The following CACNA2D2 variants were observed in gnomAD, a reference collection of about 807,000 sequenced individuals.
CACNA2D2 encodes the protein voltage-dependent calcium channel subunit alpha-2/delta-2.
CACNA2D2 carries 48 observed loss-of-function variants against 166.4 expected under a neutral mutation model. The observed-to-expected ratio is 0.29, with a 90% CI of 0.23 to 0.37. The LOEUF (loss-of-function observed/expected upper bound fraction) is 0.37, where lower values mean the gene tolerates loss of function less well. Ranked by LOEUF, CACNA2D2 falls within the 10% of genes least tolerant of loss-of-function variation. CACNA2D2 has a pLI of 1.00. For synonymous variants in CACNA2D2, 561 were observed against 573.7 expected (o/e 0.98, Z 0.32); for missense variants, 1,122 against 1,433.0 (o/e 0.78, Z 3.50).
intron 3 of CACNA2D2, among the ~76,000 whole-genome samples, chr3:50,412,785 G>A (rs542347165): frequency 9.9e-5 from 15 of 152,188 alleles, no homozygotes; most frequent in Non-Finnish European, 2.1e-4. Flanking sequence ...TTTCTTTTCT[G>A]AACATGCCCT....
intron 1 of CACNA2D2, among the ~76,000 whole-genome samples, chr3:50,496,269 A>C (rs1055439539): frequency 3.9e-5 from 6 of 152,198 alleles, no homozygotes; most frequent in African/African-American, 1.2e-4. Flanking sequence ...GCACACACCT[A>C]CTGCTGCCTA....
At chr3:50,497,530 G>A (rs1698772421) in intron 1 of CACNA2D2, among the ~76,000 whole-genome samples, 1 of 152,230 alleles carries the variant, frequency 6.6e-6, no homozygotes, top group African/African-American at 2.4e-5. Flanking sequence ...AGAAGGAAAA[G>A]CACTGTGAGG....
intron 3 of CACNA2D2, among the ~76,000 whole-genome samples, chr3:50,432,119 G>A (rs1045885363): frequency 2.0e-5 from 3 of 152,208 alleles, no homozygotes; most frequent in Admixed American, 6.5e-5. Context: ...GTCCAGCAAG[G>A]GGGGTGCAGG....
At chr3:50,402,852 C>A (rs971688874) in intron 3 of CACNA2D2, among the ~76,000 whole-genome samples, 2 of 152,364 alleles carry the variant, frequency 1.3e-5, no homozygotes, top group East Asian at 1.9e-4. Flanking sequence ...TTAGAAAAAA[C>A]CATGCAGATA....
intron 2 of CACNA2D2, among the ~76,000 whole-genome samples, chr3:50,464,014 G>A (rs1382372132): frequency 6.6e-6 from 1 of 152,212 alleles, no homozygotes; most frequent in African/African-American, 2.4e-5. Context: ...CATGCAGAGG[G>A]AGCATGGGAG....
chr3:50,465,766 A>G (rs917105822), intron 2 of CACNA2D2, among the ~76,000 whole-genome samples: 3 of 152,132 alleles, frequency 2.0e-5, no homozygotes, highest in Non-Finnish European at 2.9e-5. Context: ...CTGGATTGTG[A>G]CAAGCATCTA....
chr3:50,421,392 C>T (rs1707555327), intron 3 of CACNA2D2, among the ~76,000 whole-genome samples: 2 of 151,964 alleles, frequency 1.3e-5, no homozygotes, highest in Admixed American at 6.5e-5. Flanking sequence ...GCTTCTGGTG[C>T]AACTGGTGCA....
chr3:50,475,373 C>T (rs11918571), intron 2 of CACNA2D2, among the ~76,000 whole-genome samples: 2,240 of 152,244 alleles, frequency 0.015, 35 homozygotes, highest in Middle Eastern at 0.061. Context: ...CAGTTCTGGT[C>T]AGTACCTCCT....
In CACNA2D2 at chr3:50,380,070, C is replaced by T; in HGVS notation, c.843-52G>A. ...TAAGGCCCACTGGGACCTTGTGGGT[C>T]CTTCCTTCCTTCACATACATATTGA... On this transcript the variant is annotated intron_variant, in intron 8 of 37. Transcript: ENST00000424201. The surrounding 1 kb of genome is among the most constrained non-coding windows in gnomAD (Gnocchi z 4.9). The T allele has an allele frequency of 6.4e-7, 1 of 1,555,576 alleles. No individual in the cohort carries two copies. The highest frequency in any genetic ancestry group is 8.9e-7 in the Non-Finnish European group (1 of 1,127,200).
intron 2 of CACNA2D2, among the ~76,000 whole-genome samples, chr3:50,462,430 A>AATAATAATAATGATGATG (rs879341559): frequency 1.4e-5 from 2 of 141,938 alleles, no homozygotes; most frequent in African/African-American, 5.4e-5. Context: ...TAATAATAAT[A>AATAATAATAATGATGATG]ATGATAATAA....
At chr3:50,502,993 T>C (rs1316529703) in intron 1 of CACNA2D2, among the ~76,000 whole-genome samples, 2 of 152,066 alleles carry the variant, frequency 1.3e-5, no homozygotes, top group African/African-American at 2.4e-5. Context: ...TTCGGGGGAT[T>C]TGGGGGAAGC....
intron 22 of CACNA2D2, among the ~76,000 whole-genome samples, chr3:50,373,996 AG>A (rs1415262289): frequency 0.2 from 36 of 176 alleles, 11 homozygotes; most frequent in East Asian, 0.66. Context: ...GGGGGAGGGG[AG>A]GGGGGAGGAG....
In CACNA2D2 at chr3:50,444,037, T is replaced by C. The variant is rs560146612; in HGVS notation, c.289-9608A>G. On this transcript the variant is annotated intron_variant, in intron 2 of 37. Transcript: ENST00000424201. ...CCATAAGTACCCTCATGAGACGGAA[T>C]TGAGGCCAGGAAGAAAAGGGCAAAA... Among the ~76,000 whole-genome samples the C allele has an allele frequency of 2.8e-4, 43 of 152,274 alleles. 1 individual carries two copies. The highest frequency in any genetic ancestry group is 6.8e-3 in the Middle Eastern group (2 of 294).
intron 3 of CACNA2D2, among the ~76,000 whole-genome samples, chr3:50,396,782 C>T (rs1706178240): frequency 6.6e-6 from 1 of 152,200 alleles, no homozygotes; most frequent in South Asian, 2.1e-4. Flanking sequence ...TGGTGACCTA[C>T]TACCTTCCCA....
chr3:50,363,090 CT>C lies in CACNA2D2; in HGVS notation c.*1575del. On this transcript the variant is annotated 3_prime_UTR_variant, in exon 38 of 38. Coordinates refer to ENST00000424201, the MANE Select transcript of CACNA2D2 (RefSeq NM_006030.4). The stretch of plus-strand genomic sequence containing the variant: ...AGCTACCTGATGGGGATTGTTTTGT[CT>C]GTTTTTCTGTTTTTTAAACTTAAAA... 1 of 398,586 alleles carries C rather than the reference CT, an allele frequency of 2.5e-6. No homozygotes were observed. The highest frequency in any genetic ancestry group is 4.4e-6 in the Non-Finnish European group (1 of 226,010). 24.7% of individuals were successfully genotyped at this position (398,586 alleles called of 1,614,324 possible).
rs1309933213 is a variant in CACNA2D2 at position 50,374,779 on chromosome 3, A to T, written c.1942T>A (p.Tyr648Asn). The T allele has an allele frequency of 3.8e-6, 6 of 1,598,094 alleles. No homozygotes were observed. The highest frequency in any genetic ancestry group is 1.3e-5 in the African/African-American group (1 of 74,726). Residue 648 changes from tyrosine (Y) to asparagine (N), a missense_variant, in exon 22 of 38, where the codon TAC (tyrosine) becomes AAC (asparagine). Transcript: ENST00000424201. The part of the protein sequence containing the change: ...GLVLPPYSTF[Y>N]LQANLSDQIL... ...TGGTCACTGAGATTGGCTTGGAGGT[A>T]GAAGGTGCTGTAGGGTGGGAGCACC...
chr3:50,407,464 G>A (rs1427873402), intron 3 of CACNA2D2, among the ~76,000 whole-genome samples: 1 of 152,198 alleles, frequency 6.6e-6, no homozygotes, highest in African/African-American at 2.4e-5. Context: ...GCCAGGGGGT[G>A]GAATGGGTGC....
intron 5 of CACNA2D2, among the ~76,000 whole-genome samples, 163 bp downstream of exon 5, chr3:50,387,405 G>A (rs1346052598): frequency 6.6e-6 from 1 of 152,188 alleles, no homozygotes; most frequent in East Asian, 1.9e-4. Flanking sequence ...CCCTGGAGGG[G>A]TCCGGACTTC....
intron 1 of CACNA2D2, among the ~76,000 whole-genome samples, chr3:50,480,043 A>G (rs1697979295): frequency 6.6e-6 from 1 of 152,166 alleles, no homozygotes; most frequent in African/African-American, 2.4e-5. Context: ...ACTAGGGATC[A>G]AGTCACGTCC....
Sources: gnomAD v4.1 joint callset for allele counts (sites outside exome capture counted in the v4.1 genomes callset) on GRCh38, gnomAD v4.1.1 for gene constraint, Gnocchi (gnomAD v3.1) non-coding constraint, MANE v1.5 for transcripts, NCBI Gene and HGNC (gene_info 2026-07-23, HGNC 2026-07-21) for gene names.